NEGR1: variants seen among roughly 807,000 people sequenced by gnomAD.
NEGR1 encodes the protein neuronal growth regulator 1.
Under a neutral mutation model 40.9 loss-of-function variants are expected in NEGR1, and 10 were observed. The observed-to-expected ratio is 0.24, with a 90% CI of 0.15 to 0.42. The LOEUF is 0.42. Ranked by LOEUF, NEGR1 falls within the 10% of genes least tolerant of loss-of-function variation. The pLI is 1.00. For missense variants in NEGR1, 352 were observed against 438.9 expected, an observed-to-expected ratio of 0.80 and a Z score of 1.77; for synonymous variants, 185 against 166.8, an observed-to-expected ratio of 1.11 and a Z score of -0.84.
intron 1 of NEGR1, among the ~76,000 whole-genome samples, chr1:72,162,421 G>C (rs79461833): frequency 6.6e-6 from 1 of 152,080 alleles, no homozygotes; most frequent in Non-Finnish European, 1.5e-5. Context: ...AGCCGAGATC[G>C]TGCCACTGCA....
intron 1 of NEGR1, among the ~76,000 whole-genome samples, chr1:72,233,921 A>C (rs1654463049): frequency 6.6e-6 from 1 of 152,082 alleles, no homozygotes; most frequent in South Asian, 2.1e-4. Context: ...ACTGTGTATA[A>C]GCTTTCCCTT....
chr1:72,197,488 C>G (rs1361590000), intron 1 of NEGR1, among the ~76,000 whole-genome samples: 8 of 152,006 alleles, frequency 5.3e-5, no homozygotes, highest in Admixed American at 2.6e-4. Flanking sequence ...AATAAATGAA[C>G]TAGATTATTG....
At chr1:71,470,811 AT>A (rs1444363135) in intron 6 of NEGR1, among the ~76,000 whole-genome samples, 1 of 152,144 alleles carries the variant, frequency 6.6e-6, no homozygotes, top group Admixed American at 6.6e-5. Flanking sequence ...AGTCATTCAG[AT>A]TTAAAATTCA....
chr1:71,633,837 GC>G (rs1651054458), intron 4 of NEGR1, among the ~76,000 whole-genome samples: 1 of 152,010 alleles, frequency 6.6e-6, no homozygotes, highest in Non-Finnish European at 1.5e-5. Context: ...AAAGCACGCA[GC>G]CCATGTGGAG....
At chr1:71,976,425 G>A (rs1280058653) in intron 1 of NEGR1, among the ~76,000 whole-genome samples, 1 of 152,144 alleles carries the variant, frequency 6.6e-6, no homozygotes, top group Non-Finnish European at 1.5e-5. Context: ...CGATTTACTG[G>A]AAGATTTCCT....
At chr1:71,561,574 A>G (rs1264159255) in intron 6 of NEGR1, among the ~76,000 whole-genome samples, 1 of 151,752 alleles carries the variant, frequency 6.6e-6, no homozygotes, top group Non-Finnish European at 1.5e-5. Flanking sequence ...TTGTATCATG[A>G]AAATAAAACA....
At chr1:72,105,752 G>A (rs1649111268) in intron 1 of NEGR1, among the ~76,000 whole-genome samples, 1 of 151,986 alleles carries the variant, frequency 6.6e-6, no homozygotes, top group African/African-American at 2.4e-5. Flanking sequence ...GAATGGGTAG[G>A]GAAAGGAAGG....
At chr1:71,761,826 G>C (rs1319356331) in intron 3 of NEGR1, among the ~76,000 whole-genome samples, 1 of 151,920 alleles carries the variant, frequency 6.6e-6, no homozygotes, top group Non-Finnish European at 1.5e-5. Context: ...TTTCTAAATA[G>C]AAATAAAACA....
intron 1 of NEGR1, among the ~76,000 whole-genome samples, chr1:72,029,763 G>A (rs756630982): frequency 1.3e-5 from 2 of 151,996 alleles, no homozygotes; most frequent in Non-Finnish European, 2.9e-5. Flanking sequence ...AGAGTTCTTC[G>A]ACAACCTGCA....
intron 2 of NEGR1, among the ~76,000 whole-genome samples, chr1:71,895,346 A>T (rs1433605159): frequency 6.6e-6 from 1 of 152,168 alleles, no homozygotes; most frequent in Non-Finnish European, 1.5e-5. Flanking sequence ...CACAAAATTT[A>T]CCATTTTGTG....
At chr1:72,268,571 T>C (rs1655732167) in intron 1 of NEGR1, among the ~76,000 whole-genome samples, 1 of 151,460 alleles carries the variant, frequency 6.6e-6, no homozygotes, top group African/African-American at 2.4e-5. Flanking sequence ...ACTCAATGCA[T>C]AAATGCTGAA....
At chr1:72,197,653 A>C (rs1230994001) in intron 1 of NEGR1, among the ~76,000 whole-genome samples, 1 of 151,974 alleles carries the variant, frequency 6.6e-6, no homozygotes, top group Admixed American at 6.6e-5. Flanking sequence ...AAATGCTGAA[A>C]CGTTTCTCCA....
chr1:72,027,609 A>T (rs1287214881), intron 1 of NEGR1, among the ~76,000 whole-genome samples: 1 of 152,144 alleles, frequency 6.6e-6, no homozygotes, highest in East Asian at 1.9e-4. Flanking sequence ...GCAACTTTTT[A>T]TTAGTCTTTC....
chr1:72,122,432 C>T (rs538385836), intron 1 of NEGR1, among the ~76,000 whole-genome samples: 2 of 152,010 alleles, frequency 1.3e-5, no homozygotes, highest in South Asian at 4.2e-4. Context: ...GAATTTTATT[C>T]CCAATCCATT....
At chr1:72,117,992 GA>G (rs761744614) in intron 1 of NEGR1, among the ~76,000 whole-genome samples, 5 of 151,794 alleles carry the variant, frequency 3.3e-5, no homozygotes, top group African/African-American at 4.8e-5. Context: ...GGATGAAATG[GA>G]AGGAAGTCAT....
chr1:71,852,919 C>T (rs146468449), intron 2 of NEGR1, among the ~76,000 whole-genome samples: 8 of 151,602 alleles, frequency 5.3e-5, no homozygotes, highest in South Asian at 2.1e-4. Context: ...GAATGGAAAA[C>T]GCTTGTAATA....
chr1:71,827,001 G>A (rs1658649763), intron 2 of NEGR1, among the ~76,000 whole-genome samples: 1 of 151,656 alleles, frequency 6.6e-6, no homozygotes, highest in Non-Finnish European at 1.5e-5. Flanking sequence ...AAATAATAGG[G>A]CCTTTAGCAA....
intron 4 of NEGR1, among the ~76,000 whole-genome samples, chr1:71,675,824 C>A (rs374261903): frequency 6.6e-6 from 1 of 151,330 alleles, no homozygotes; most frequent in Non-Finnish European, 1.5e-5. Flanking sequence ...CCTTAAGAGA[C>A]AGGGTCTTGC....
intron 2 of NEGR1, among the ~76,000 whole-genome samples, chr1:71,865,267 T>G (rs1396030838): frequency 6.6e-6 from 1 of 152,174 alleles, no homozygotes. Flanking sequence ...AAAATCTATT[T>G]GGTTAGGCAC....
Sources: allele counts gnomAD v4.1 joint callset (sites outside exome capture counted in the v4.1 genomes callset), GRCh38; gene constraint gnomAD v4.1.1; transcripts MANE v1.5; gene names NCBI Gene and HGNC (gene_info 2026-07-23, HGNC 2026-07-21).